MYO3B: variants seen among roughly 807,000 people sequenced by gnomAD.
MYO3B encodes myosin-IIIb.
In MYO3B, 156 loss-of-function variants were observed where a neutral mutation model predicts 174.6. The ratio of observed to expected loss-of-function variants is 0.89; its 90% CI spans 0.78 to 1.02. The LOEUF (loss-of-function observed/expected upper bound fraction) is 1.02, where lower values mean the gene tolerates loss of function less well. Ranked by LOEUF, MYO3B falls within the 50% of genes least tolerant of loss-of-function variation. The pLI is 0.00. For synonymous variants in MYO3B, 563 were observed against 569.1 expected (o/e 0.99, Z 0.15); for missense variants, 1,632 against 1,639.4 (o/e 1.00, Z 0.08).
At chr2:170,205,892 C>T (rs1036118701) in intron 3 of MYO3B, among the ~76,000 whole-genome samples, 2 of 151,918 alleles carry the variant, frequency 1.3e-5, no homozygotes, top group Non-Finnish European at 2.9e-5. Context: ...TTATAATATA[C>T]ATAGAATATT....
At chr2:170,244,171 T>C (rs2093165848) in intron 7 of MYO3B, among the ~76,000 whole-genome samples, 1 of 152,228 alleles carries the variant, frequency 6.6e-6, no homozygotes, top group Non-Finnish European at 1.5e-5. Flanking sequence ...ATGACTGGTC[T>C]TGGCTGCCTC....
Position 170,178,292 on chromosome 2 carries a change from GAGTTGC to G in MYO3B, c.2+8_2+13del. The G allele has an allele frequency of 6.2e-7, 1 of 1,614,158 alleles. No individual in the cohort carries two copies. ...GATTCAGAAAATAGGTCATCGATGT[GAGTTGC>G]AGTTATTTTCCTTCCAGCTTTCTTC... On this transcript the variant is annotated splice_donor_5th_base_variant and intron_variant, in intron 1 of 34. Transcript: ENST00000408978.
intron 6 of MYO3B, among the ~76,000 whole-genome samples, chr2:170,227,091 C>T (rs759907993): frequency 2.0e-5 from 3 of 152,180 alleles, no homozygotes; most frequent in Non-Finnish European, 2.9e-5. Flanking sequence ...AGAATTCCCA[C>T]CCAAGCCAAA....
chr2:170,536,832 C>T (rs1178207847), intron 30 of MYO3B, among the ~76,000 whole-genome samples: 1 of 152,026 alleles, frequency 6.6e-6, no homozygotes, highest in Admixed American at 6.6e-5. Context: ...TAATAACTTC[C>T]ATAATGAAAG....
chr2:170,638,142 A>C (rs758977296), intron 32 of MYO3B, among the ~76,000 whole-genome samples: 3 of 151,840 alleles, frequency 2.0e-5, no homozygotes, highest in Non-Finnish European at 4.4e-5. Flanking sequence ...ACATTTGTAG[A>C]TATAACCTCC....
At chr2:170,235,734 A>G (rs1559323254) in intron 6 of MYO3B, among the ~76,000 whole-genome samples, 1 of 152,206 alleles carries the variant, frequency 6.6e-6, no homozygotes. Context: ...CTCCCCTTGC[A>G]CTGTTCTTGT....
intron 32 of MYO3B, among the ~76,000 whole-genome samples, chr2:170,564,924 T>A (rs1261958752): frequency 6.6e-6 from 1 of 151,490 alleles, no homozygotes; most frequent in African/African-American, 2.4e-5. Context: ...AATATCCAAT[T>A]AAAATTGCTT....
At chr2:170,316,595 T>C (rs1020165161) in intron 7 of MYO3B, among the ~76,000 whole-genome samples, 15 of 152,220 alleles carry the variant, frequency 9.9e-5, no homozygotes, top group African/African-American at 3.6e-4. Context: ...ATCTAGCTAG[T>C]CAGCAGGTAC....
chr2:170,223,593 G>T (rs1345818833), intron 6 of MYO3B, among the ~76,000 whole-genome samples: 1 of 152,268 alleles, frequency 6.6e-6, no homozygotes, highest in Admixed American at 6.5e-5. Flanking sequence ...ACCCGTGTCC[G>T]CTGTTAATAT....
intron 22 of MYO3B, among the ~76,000 whole-genome samples, chr2:170,432,583 T>A (rs1023957344): frequency 6.6e-6 from 1 of 151,256 alleles, no homozygotes; most frequent in African/African-American, 2.4e-5. Context: ...AAAGAAATTT[T>A]TTTTTTTTTT....
chr2:170,627,512 C>T (rs1028333778), intron 32 of MYO3B, among the ~76,000 whole-genome samples: 3 of 152,166 alleles, frequency 2.0e-5, no homozygotes, highest in Non-Finnish European at 2.9e-5. Context: ...TCCTTTAGCT[C>T]GGAGAAGTTT....
intron 6 of MYO3B, among the ~76,000 whole-genome samples, chr2:170,225,257 T>A (rs1215579495): frequency 2.0e-5 from 3 of 152,248 alleles, no homozygotes; most frequent in African/African-American, 7.2e-5. Flanking sequence ...GTGAAGTAGA[T>A]GAGTCACAGA....
intron 25 of MYO3B, among the ~76,000 whole-genome samples, chr2:170,484,177 C>T (rs552895920): frequency 2.6e-5 from 4 of 152,250 alleles, no homozygotes; most frequent in South Asian, 2.1e-4. Flanking sequence ...TAGGGTTTTA[C>T]GTATATCATC....
At chr2:170,442,557 G>A (rs1475964492) in intron 22 of MYO3B, among the ~76,000 whole-genome samples, 2 of 149,208 alleles carry the variant, frequency 1.3e-5, no homozygotes, top group African/African-American at 5.0e-5. Flanking sequence ...ACAACGTGCA[G>A]GTTTGTTACA....
chr2:170,579,605 C>G (rs1047075282), intron 32 of MYO3B, among the ~76,000 whole-genome samples: 3 of 152,234 alleles, frequency 2.0e-5, no homozygotes, highest in Admixed American at 2.0e-4. Flanking sequence ...TACTGGGCCT[C>G]TGGGCCAGTC....
intron 30 of MYO3B, among the ~76,000 whole-genome samples, chr2:170,539,765 G>C (rs1347810130): frequency 6.6e-6 from 1 of 151,884 alleles, no homozygotes; most frequent in African/African-American, 2.4e-5. Flanking sequence ...GACTACGGGT[G>C]CACATCACTA....
chr2:170,323,687 A>G (rs896705225), intron 7 of MYO3B, among the ~76,000 whole-genome samples: 1 of 152,200 alleles, frequency 6.6e-6, no homozygotes, highest in African/African-American at 2.4e-5. Flanking sequence ...TCTTCCTCAT[A>G]GGGTTTATGT....
At chr2:170,647,020 T>C in intron 32 of MYO3B, 1 of 828,740 alleles carries the variant, frequency 1.2e-6, no homozygotes, top group Non-Finnish European at 1.8e-6. Flanking sequence ...ATATGGAACG[T>C]TTTACTTTAA....
chr2:170,601,310 A>G (rs892714458), intron 32 of MYO3B, among the ~76,000 whole-genome samples: 1 of 152,196 alleles, frequency 6.6e-6, no homozygotes, highest in African/African-American at 2.4e-5. Context: ...AAAAACTACC[A>G]TCCCCATATA....
Sources: allele counts gnomAD v4.1 joint callset (sites outside exome capture counted in the v4.1 genomes callset), GRCh38; gene constraint gnomAD v4.1.1; transcripts MANE v1.5; gene names NCBI Gene and HGNC (gene_info 2026-07-23, HGNC 2026-07-21).